Variants in LRRC8C observed in about 807,000 individuals in gnomAD.
LRRC8C encodes the protein volume-regulated anion channel subunit LRRC8C.
LRRC8C carries 20 observed loss-of-function variants against 55.3 expected under a neutral mutation model. The observed-to-expected ratio is 0.36, with a 90% CI of 0.25 to 0.53. The LOEUF (loss-of-function observed/expected upper bound fraction) is 0.53. LRRC8C is among the 20% of genes least tolerant of loss of function. The pLI is 0.92. For synonymous variants in LRRC8C, 376 were observed against 360.7 expected, an observed-to-expected ratio of 1.04 and a Z score of -0.48; for missense variants, 659 against 951.4, an observed-to-expected ratio of 0.69 and a Z score of 4.04.
At chr1:89,665,844 C>G (rs908352829) in intron 1 of LRRC8C, among the ~76,000 whole-genome samples, 1 of 152,124 alleles carries the variant, frequency 6.6e-6, no homozygotes, top group African/African-American at 2.4e-5. Context: ...CTGCAAACTC[C>G]ATTCATGGTA....
chr1:89,693,588 G>A (rs1057189697), intron 2 of LRRC8C, among the ~76,000 whole-genome samples: 1 of 148,110 alleles, frequency 6.8e-6, no homozygotes, highest in Non-Finnish European at 1.5e-5. Flanking sequence ...AGATAGAAGT[G>A]AAGGCTTAAA....
At chr1:89,686,766 C>T (rs1478876993) in intron 2 of LRRC8C, among the ~76,000 whole-genome samples, 155 bp downstream of exon 2, 2 of 152,168 alleles carry the variant, frequency 1.3e-5, no homozygotes, top group East Asian at 3.8e-4. Flanking sequence ...ACCTGAAACA[C>T]CTATTTACTG....
At chr1:89,666,225 C>G (rs752654549) in intron 1 of LRRC8C, among the ~76,000 whole-genome samples, 1 of 152,080 alleles carries the variant, frequency 6.6e-6, no homozygotes, top group Non-Finnish European at 1.5e-5. Flanking sequence ...TTCTTGCAGT[C>G]TTTACCTTAT....
At chr1:89,689,238 T>G (rs1337132337) in intron 2 of LRRC8C, among the ~76,000 whole-genome samples, 1 of 152,156 alleles carries the variant, frequency 6.6e-6, no homozygotes, top group Non-Finnish European at 1.5e-5. Flanking sequence ...TGAAGCAGAA[T>G]TACCTCTGTA....
chr1:89,635,580 T>C (rs1043576300), intron 1 of LRRC8C, among the ~76,000 whole-genome samples: 2 of 152,250 alleles, frequency 1.3e-5, no homozygotes, highest in Non-Finnish European at 2.9e-5. Context: ...TATACTTTTT[T>C]TTATTATCCA....
chr1:89,655,052 G>A (rs781414426), intron 1 of LRRC8C, among the ~76,000 whole-genome samples: 1 of 151,434 alleles, frequency 6.6e-6, no homozygotes, highest in Admixed American at 6.6e-5. Flanking sequence ...CTACAGTTTG[G>A]GAAATTTTTC....
In LRRC8C at chr1:89,659,081, G is replaced by T. The variant is rs1468562652; in HGVS notation, c.-5+25759G>T. On this transcript the variant is annotated intron_variant, in intron 1 of 2. Transcript: ENST00000370454. ...TTTTTTTGTGTGTGTGTGTGTGTGT[G>T]TGTGTGTGTGTGTGTGTGTGTGTGT... 1.6e-3 allele frequency among the ~76,000 whole-genome samples: 228 copies of T among 140,170 alleles called. 6 individuals are homozygous for T. The highest frequency in any genetic ancestry group is 5.3e-3 in the African/African-American group (196 of 37,126). The allele number at this position is 140,170 out of a possible 152,430, so 92.0% of individuals were successfully genotyped here.
At chr1:89,681,889 C>G (rs6428564) in intron 1 of LRRC8C, among the ~76,000 whole-genome samples, 147,926 of 152,300 alleles carry the variant, frequency 0.97, 71,981 homozygotes, top group Middle Eastern at 1. Flanking sequence ...CGCATTTACT[C>G]AAAAAAATTT....
intron 2 of LRRC8C, among the ~76,000 whole-genome samples, chr1:89,698,369 G>A (rs1450133398): frequency 6.6e-6 from 1 of 152,100 alleles, no homozygotes; most frequent in Non-Finnish European, 1.5e-5. Context: ...CATATTTATT[G>A]CGTACCTACT....
chr1:89,686,063 A>AT (rs1557661278), intron 1 of LRRC8C, among the ~76,000 whole-genome samples: 2 of 152,116 alleles, frequency 1.3e-5, no homozygotes, highest in African/African-American at 4.8e-5. Flanking sequence ...AAAAAAAAAA[A>AT]AAAAGCTTAA....
rs34622833 is a variant in LRRC8C, at chr1:89,714,573, G to A, written c.2003G>A (p.Ser668Asn). The A allele has an allele frequency of 5.7e-4, 924 of 1,614,134 alleles. 4 individuals carry two copies. The African/African-American group carries it at 0.011, about 19-fold the overall frequency. ...ACCAGCCTGGAACGCCTGTCCTTTA[G>A]TCACAATAAAATAGAGGTGCTGCCT... Reference protein sequence around the residue: ...KLTSLERLSFSHNKIEVLPSH... With the variant: ...KLTSLERLSFNHNKIEVLPSH... Residue 668 changes from serine to asparagine, a missense_variant, in exon 3 of 3, where the codon AGT becomes AAT. Ser to Asn is a conservative substitution (Grantham distance 46). This residue lies in a region of LRRC8C where 344 missense variants were observed against 464.6 expected (regional missense o/e 0.74). Transcript: ENST00000370454. The surrounding 1 kb of genome is among the most constrained non-coding windows in gnomAD (Gnocchi z 4.6).
At chr1:89,619,001 C>T in the LRRC8C span, among the ~76,000 whole-genome samples, 1 of 152,180 alleles carries the variant, frequency 6.6e-6, no homozygotes, top group African/African-American at 2.4e-5. Flanking sequence ...ACGAGGTCCT[C>T]CCTACTCTGT....
chr1:89,656,849 A>G (rs1322945277), intron 1 of LRRC8C, among the ~76,000 whole-genome samples: 1 of 152,214 alleles, frequency 6.6e-6, no homozygotes, highest in African/African-American at 2.4e-5. Flanking sequence ...TTATTAAACA[A>G]TACAAACATT....
upstream of LRRC8C, among the ~76,000 whole-genome samples, chr1:89,628,867 A>C (rs1198178701): frequency 2.0e-5 from 3 of 152,224 alleles, no homozygotes; most frequent in African/African-American, 7.2e-5. Context: ...GACCCACCTC[A>C]GGGAAGAAGG....
chr1:89,693,207 G>A (rs189510099), intron 2 of LRRC8C, among the ~76,000 whole-genome samples: 117 of 152,284 alleles, frequency 7.7e-4, no homozygotes, highest in African/African-American at 2.7e-3. Flanking sequence ...GGACATGTGA[G>A]TTTTTTGGTT....
At chr1:89,692,820 C>T (rs1658060615) in intron 2 of LRRC8C, among the ~76,000 whole-genome samples, 1 of 152,204 alleles carries the variant, frequency 6.6e-6, no homozygotes, top group Non-Finnish European at 1.5e-5. Flanking sequence ...AAACTCAACA[C>T]ATTCAACAAA....
intron 2 of LRRC8C, among the ~76,000 whole-genome samples, chr1:89,697,147 C>T (rs2101316628): frequency 6.6e-6 from 1 of 152,290 alleles, no homozygotes; most frequent in Non-Finnish European, 1.5e-5. Flanking sequence ...TCTATTCCTT[C>T]ATGTAGATTG....
At chr1:89,648,379 A>G (rs1196769103) in intron 1 of LRRC8C, among the ~76,000 whole-genome samples, 1 of 152,196 alleles carries the variant, frequency 6.6e-6, no homozygotes, top group Non-Finnish European at 1.5e-5. Context: ...ACAACCATTA[A>G]AGAACAGACA....
intron 1 of LRRC8C, among the ~76,000 whole-genome samples, chr1:89,663,734 A>T (rs537485715): frequency 5.9e-4 from 89 of 151,986 alleles, no homozygotes; most frequent in African/African-American, 1.9e-3. Context: ...ACTAATTTAC[A>T]CTCCCACCAA....
Sources: gnomAD v4.1 joint callset for allele counts (sites outside exome capture counted in the v4.1 genomes callset) on GRCh38, gnomAD v4.1.1 for gene constraint, gnomAD v4.1.1 regional missense constraint, Gnocchi (gnomAD v3.1) non-coding constraint, MANE v1.5 for transcripts, NCBI Gene and HGNC (gene_info 2026-07-23, HGNC 2026-07-21) for gene names.